GRAMD4: variants seen among roughly 807,000 people sequenced by gnomAD.
GRAMD4 encodes GRAM domain containing 4.
GRAMD4 carries 25 observed loss-of-function variants against 83.9 expected under a neutral mutation model. The ratio of observed to expected loss-of-function variants is 0.30; its 90% confidence interval spans 0.22 to 0.42. The LOEUF is 0.42. GRAMD4 is among the 10% of genes least tolerant of loss of function. The probability of loss-of-function intolerance (pLI) is 1.00; values close to 1 mark genes in which losing one functional copy is unlikely to be tolerated. For synonymous variants in GRAMD4, 336 were observed against 320.9 expected, an observed-to-expected ratio of 1.05 and a Z score of -0.50; for missense variants, 593 against 788.7, an observed-to-expected ratio of 0.75 and a Z score of 2.97.
intron 6 of GRAMD4, 82 bp downstream of exon 6, chr22:46,663,254 T>C: frequency 7.5e-7 from 1 of 1,335,194 alleles, no homozygotes; most frequent in Non-Finnish European, 1.0e-6. Flanking sequence ...GGGCCATCCT[T>C]TATCACCGTG....
intron 2 of GRAMD4, among the ~76,000 whole-genome samples, chr22:46,627,728 G>A (rs760469688): frequency 2.5e-4 from 38 of 152,350 alleles, no homozygotes; most frequent in Non-Finnish European, 5.1e-4. Context: ...GCCTGGGAGC[G>A]CCGGCCTTCC....
At chr22:46,635,336 C>CG (rs1199512664) in intron 2 of GRAMD4, among the ~76,000 whole-genome samples, 3 of 32,706 alleles carry the variant, frequency 9.2e-5, no homozygotes, top group Admixed American at 2.1e-4. Flanking sequence ...TCCCTGCCCC[C>CG]ACCCCTGGCC....
intron 1 of GRAMD4, among the ~76,000 whole-genome samples, chr22:46,594,587 G>GA (rs909379640): frequency 6.6e-6 from 1 of 151,688 alleles, no homozygotes; most frequent in Non-Finnish European, 1.5e-5. Context: ...TGGTTGGGTG[G>GA]GGGGGGTTAG....
intron 1 of GRAMD4, among the ~76,000 whole-genome samples, chr22:46,600,195 G>A (rs184665242): frequency 1.4e-4 from 21 of 152,272 alleles, no homozygotes; most frequent in Non-Finnish European, 2.5e-4. Context: ...ACCAGTGCCC[G>A]CAGCTGTCAC....
intron 1 of GRAMD4, among the ~76,000 whole-genome samples, chr22:46,577,521 C>T (rs1413346827): frequency 6.6e-6 from 1 of 151,292 alleles, no homozygotes; most frequent in Admixed American, 6.6e-5. Context: ...CACCTGCGGC[C>T]GCAGGTCCGG....
At chr22:46,617,143 TGTGTGTAGGTTCCCCC>T (rs1202304209), upstream of GRAMD4, among the ~76,000 whole-genome samples, 1 of 146,146 alleles carries the variant, frequency 6.8e-6, no homozygotes, top group Non-Finnish European at 1.5e-5. Context: ...GGTTCCCCTG[TGTGTGTAGGTTCCCCC>T]GTGTGTAGGT....
upstream of GRAMD4, among the ~76,000 whole-genome samples, chr22:46,616,550 G>T (rs1024022821): frequency 4.2e-5 from 6 of 144,242 alleles, no homozygotes; most frequent in Admixed American, 4.1e-4. Flanking sequence ...CCCCGTGTGT[G>T]CAGGTTCCCC....
At chr22:46,577,606 C>T (rs1277683575) in intron 1 of GRAMD4, among the ~76,000 whole-genome samples, 2 of 151,766 alleles carry the variant, frequency 1.3e-5, no homozygotes, top group African/African-American at 4.8e-5. Flanking sequence ...GGTCGCCGGA[C>T]CGGGGGTCAC....
chr22:46,634,198 G>C (rs1404871305), intron 2 of GRAMD4, among the ~76,000 whole-genome samples: 4 of 152,182 alleles, frequency 2.6e-5, no homozygotes, highest in Non-Finnish European at 5.9e-5. Flanking sequence ...CGAGGCTGCA[G>C]AGGTGCCTGG....
intron 1 of GRAMD4, among the ~76,000 whole-genome samples, chr22:46,580,160 G>T (rs966599061): frequency 6.6e-6 from 1 of 152,254 alleles, no homozygotes. Context: ...ACAGTGAATT[G>T]AGGGAGAGAA....
chr22:46,621,985 A>G lies in GRAMD4; in HGVS notation c.-50+1420A>G, dbSNP rs1325654378. ...ACCCTGATGTGTGGACGCCCTCCCC[A>G]AGGGCCGCTGTGAACCATCCAGCAG... On this transcript the variant is annotated intron_variant, in intron 1 of 18. Transcript: ENST00000406902. This position sits in a 1 kb window ranked among gnomAD's most constrained non-coding sequence, Gnocchi z 5.8. Among the ~76,000 whole-genome samples, 1 of 152,158 alleles carries G rather than the reference A, an allele frequency of 6.6e-6. No homozygotes were observed. Among genetic ancestry groups the G allele is most frequent in the African/African-American group, 2.4e-5 (1 of 41,430 alleles).
chr22:46,623,598 G>A (rs562237605), intron 1 of GRAMD4, among the ~76,000 whole-genome samples: 64 of 151,888 alleles, frequency 4.2e-4, no homozygotes, highest in Non-Finnish European at 6.2e-4. Context: ...CAGTTTCACC[G>A]TGTTAGCCAG....
intron 3 of GRAMD4, among the ~76,000 whole-genome samples, chr22:46,639,735 A>G (rs554711325): frequency 3.9e-5 from 6 of 152,154 alleles, no homozygotes; most frequent in African/African-American, 1.4e-4. Flanking sequence ...GTGTATATCC[A>G]TCTGTACTCT....
rs1194772453 is a variant in GRAMD4 at position 46,678,848 on chromosome 22, G to A, written c.*1597G>A. ...GGGGTGCTTTGGGGGGAGCTGCGCC[G>A]ATCACCAGATTAAGCACATGTCCTA... is the stretch of plus-strand genomic sequence containing the variant. On this transcript the variant is annotated 3_prime_UTR_variant, in exon 19 of 19. Coordinates refer to ENST00000406902, the MANE Select transcript of GRAMD4 (RefSeq NM_015124.5). 8 of 986,076 alleles carry A rather than the reference G, an allele frequency of 8.1e-6. No homozygotes were observed. The highest frequency in any genetic ancestry group is 5.2e-4 in the Middle Eastern group (1 of 1,930). The allele number at this position is 986,076 out of a possible 1,614,324, so 61.1% of individuals were successfully genotyped here. A position where few individuals can be genotyped will look rare whatever the true frequency, so the allele number is the denominator to read the frequency against.
At chr22:46,668,939 C>A in intron 13 of GRAMD4, 31 bp downstream of exon 13, 1 of 1,289,228 alleles carries the variant, frequency 7.8e-7, no homozygotes, top group Non-Finnish European at 1.1e-6. Context: ...CCTGTAGCTT[C>A]AGGAGGAGGG....
At chr22:46,654,961 C>A (rs2082220778) in intron 3 of GRAMD4, among the ~76,000 whole-genome samples, 1 of 152,146 alleles carries the variant, frequency 6.6e-6, no homozygotes, top group Non-Finnish European at 1.5e-5. Context: ...GAATCATGTC[C>A]CCAAGAGGAA....
In GRAMD4 at chr22:46,622,562, G is replaced by A. The variant is rs1305726225; in HGVS notation, c.-50+1997G>A. Among the ~76,000 whole-genome samples the A allele has an allele frequency of 6.6e-6, 1 of 152,166 alleles. No homozygotes were observed. The highest frequency in any genetic ancestry group is 2.4e-5 in the African/African-American group (1 of 41,434). On this transcript the variant is annotated intron_variant, in intron 1 of 18. Transcript: ENST00000406902. This position sits in a 1 kb window ranked among gnomAD's most constrained non-coding sequence, Gnocchi z 4.0. ...AGTTTCAGTTAGACAAGACGAGTCC[G>A]GAGGCAGCCGCTCAGCATCACAGAT...
chr22:46,656,726 A>G (rs1382319678), intron 3 of GRAMD4, among the ~76,000 whole-genome samples: 1 of 152,240 alleles, frequency 6.6e-6, no homozygotes, highest in Non-Finnish European at 1.5e-5. Context: ...GGCCCTGCCC[A>G]AGAACCTGGG....
At position 46,620,642 on chromosome 22, in the gene GRAMD4, G is replaced by A. The variant is rs1017533767; in HGVS notation, c.-50+77G>A. On this transcript the variant is annotated intron_variant, in intron 1 of 18. Coordinates refer to ENST00000406902, the MANE Select transcript of GRAMD4 (RefSeq NM_015124.5). This position sits in a 1 kb window ranked among gnomAD's most constrained non-coding sequence, Gnocchi z 4.7. ...GGAAGCCCCAGCCTTGGGAAAAGCT[G>A]CTACTCTCTGGGGCAGTGGTCCCAG... The A allele has an allele frequency of 1.5e-5, 7 of 475,768 alleles. No individual in the cohort carries two copies. Among genetic ancestry groups the A allele is most frequent in the Admixed American group, 1.3e-4 (2 of 15,678 alleles). 29.5% of individuals were successfully genotyped at this position (475,768 alleles called of 1,614,324 possible).
Sources: gnomAD v4.1 joint callset for allele counts (sites outside exome capture counted in the v4.1 genomes callset) on GRCh38, gnomAD v4.1.1 for gene constraint, Gnocchi (gnomAD v3.1) non-coding constraint, MANE v1.5 for transcripts, NCBI Gene and HGNC (gene_info 2026-07-23, HGNC 2026-07-21) for gene names.